Variants in TLE4 observed in about 807,000 individuals in gnomAD.
The protein encoded by TLE4 is TLE family member 4, transcriptional corepressor, also known as transducin-like enhancer protein 4.
A neutral mutation model predicts 92.8 loss-of-function variants in TLE4; 8 were observed. That is an observed-to-expected ratio of 0.09 (90% CI 0.05 to 0.16). The LOEUF (loss-of-function observed/expected upper bound fraction) is 0.16. TLE4 is among the 10% of genes least tolerant of loss of function. The pLI is 1.00. For missense variants in TLE4, 675 were observed against 997.6 expected (o/e 0.68, Z 4.36); for synonymous variants, 371 against 374.1 (o/e 0.99, Z 0.10).
At chr9:79,713,952 C>G (rs1042014946) in intron 14 of TLE4, among the ~76,000 whole-genome samples, 19 of 152,098 alleles carry the variant, frequency 1.2e-4, no homozygotes, top group African/African-American at 4.6e-4. Flanking sequence ...CAACCTCTGC[C>G]TCCTGGGTTC....
chr9:79,593,725 A>G (rs2043245051), intron 4 of TLE4, among the ~76,000 whole-genome samples: 1 of 152,238 alleles, frequency 6.6e-6, no homozygotes, highest in African/African-American at 2.4e-5. Context: ...TCCATCATAT[A>G]TGCTGTGTCT....
intron 8 of TLE4, among the ~76,000 whole-genome samples, chr9:79,702,356 G>A (rs1208730868): frequency 1.3e-5 from 2 of 152,162 alleles, no homozygotes; most frequent in South Asian, 4.1e-4. Context: ...ACTGGAGAGG[G>A]GAAAACTAGA....
At chr9:79,653,971 C>G (rs2059401325) in intron 7 of TLE4, 88 bp from the exon 8 acceptor site, 2 of 1,398,886 alleles carry the variant, frequency 1.4e-6, no homozygotes, top group Non-Finnish European at 2.0e-6. Flanking sequence ...TTTGATAAAT[C>G]AGTATGATTT....
rs764513396 is a variant in TLE4 at position 79,708,695 on chromosome 9, C to T, written c.1172C>T (p.Ala391Val). Residue 391 changes from alanine (A) to valine (V), a missense_variant, in exon 13 of 20, where the codon GCG becomes GTG. Ala to Val is a moderately conservative substitution (Grantham distance 64). Around this residue, in one of 5 missense-constraint regions of TLE4, gnomAD observed 119 missense variants for 175.9 expected, o/e 0.68. Transcript: ENST00000376552. ...AACGGAGAGCTGACCAGCCCCGGAG[C>T]GGCCTACGCTGGGCTCCACAACATC... Reference protein sequence around the residue: ...GMNGELTSPGAAYAGLHNISP... With the variant: ...GMNGELTSPGVAYAGLHNISP... The T allele has an allele frequency of 4.3e-6, 7 of 1,613,540 alleles. No homozygotes were observed. Among genetic ancestry groups the T allele is most frequent in the East Asian group, 4.5e-5 (2 of 44,886 alleles).
chr9:79,592,799 A>G (rs139185932), intron 4 of TLE4, among the ~76,000 whole-genome samples: 140 of 152,256 alleles, frequency 9.2e-4, no homozygotes, highest in African/African-American at 3.3e-3. Flanking sequence ...GACTTGGCCA[A>G]CAACTCTGGA....
intron 8 of TLE4, among the ~76,000 whole-genome samples, chr9:79,697,887 A>G (rs1588382699): frequency 6.6e-6 from 1 of 152,194 alleles, no homozygotes; most frequent in African/African-American, 2.4e-5. Flanking sequence ...ACTGAAAAAC[A>G]AGGTGTATAT....
chr9:79,640,679 G>C (rs2056952534), intron 6 of TLE4, among the ~76,000 whole-genome samples: 1 of 151,976 alleles, frequency 6.6e-6, no homozygotes, highest in Non-Finnish European at 1.5e-5. Context: ...AGCTCCTTCT[G>C]TTCTTTGCAA....
rs377649253 is a variant in TLE4, at chr9:79,708,718, A to G, written c.1195A>G (p.Ile399Val). 3 of 1,612,768 alleles carry G rather than the reference A, an allele frequency of 1.9e-6. No homozygotes were observed. Among genetic ancestry groups the G allele is most frequent in the Non-Finnish European group, 1.7e-6 (2 of 1,180,044 alleles). Residue 399 changes from isoleucine to valine, a missense_variant, in exon 13 of 20, where the codon ATC (isoleucine) becomes GTC (valine). Around this residue, in one of 5 missense-constraint regions of TLE4, gnomAD observed 119 missense variants for 175.9 expected, o/e 0.68. Coordinates refer to ENST00000376552, the MANE Select transcript of TLE4 (RefSeq NM_007005.6). ...PGAAYAGLHN[I>V]SPQMSAAAAA... Reference sequence around the variant, plus strand: ...AGCGGCCTACGCTGGGCTCCACAACATCTCCCCTCAGATGAGCGCAGCTGC... The same window carrying G: ...AGCGGCCTACGCTGGGCTCCACAACGTCTCCCCTCAGATGAGCGCAGCTGC...
chr9:79,596,055 C>T (rs952173090), intron 4 of TLE4, among the ~76,000 whole-genome samples: 1 of 151,972 alleles, frequency 6.6e-6, no homozygotes, highest in Admixed American at 6.6e-5. Flanking sequence ...ACCGTGTTAG[C>T]CAGGATGGTC....
chr9:79,640,331 T>G (rs1348706168), intron 6 of TLE4, among the ~76,000 whole-genome samples: 1 of 152,128 alleles, frequency 6.6e-6, no homozygotes, highest in Non-Finnish European at 1.5e-5. Flanking sequence ...TTACTTTTGT[T>G]AAAAATGCTA....
At chr9:79,655,048 A>G (rs990910029) in intron 8 of TLE4, among the ~76,000 whole-genome samples, 1 of 152,228 alleles carries the variant, frequency 6.6e-6, no homozygotes, top group Admixed American at 6.5e-5. Context: ...AGTCTGAGGC[A>G]GGAGAATCGC....
intron 4 of TLE4, among the ~76,000 whole-genome samples, chr9:79,584,585 A>G (rs532832457): frequency 6.6e-6 from 1 of 152,316 alleles, no homozygotes; most frequent in East Asian, 1.9e-4. Flanking sequence ...CCCTGTGCCT[A>G]TCGCATAGTA....
At chr9:79,648,136 A>C (rs1309248673) in intron 6 of TLE4, among the ~76,000 whole-genome samples, 2 of 152,142 alleles carry the variant, frequency 1.3e-5, no homozygotes, top group African/African-American at 4.8e-5. Context: ...GAATGCTAAG[A>C]AATTGGAACT....
intron 11 of TLE4, 123 bp from the exon 12 acceptor site, chr9:79,707,995 G>A: frequency 1.0e-6 from 1 of 985,762 alleles, no homozygotes. Context: ...AGAAAATCAA[G>A]GCCCAAGCTG....
At chr9:79,604,876 TTACTC>T (rs1397264853) in intron 4 of TLE4, among the ~76,000 whole-genome samples, 1 of 152,196 alleles carries the variant, frequency 6.6e-6, no homozygotes, top group Non-Finnish European at 1.5e-5. Flanking sequence ...TAATCTCCGT[TTACTC>T]TGGGAACAAG....
rs530601613 is a variant in TLE4 at position 79,717,096 on chromosome 9, T to A, written c.1341-1626T>A. On this transcript the variant is annotated intron_variant, in intron 14 of 19. Coordinates refer to ENST00000376552, the MANE Select transcript of TLE4 (RefSeq NM_007005.6). ...ATCTGGTCTGCTTTTCACTGCATAA[T>A]CTGCTCTGGGATTCTTCTTTCCGTC... 3.2e-4 allele frequency among the ~76,000 whole-genome samples: 48 copies of A among 152,342 alleles called. 1 individual carries two copies. The highest frequency in any genetic ancestry group is 1.1e-3 in the African/African-American group (45 of 41,580).
In TLE4 at chr9:79,705,961, T is replaced by C; in HGVS notation, c.783+19T>C. ...CAATGAGGTATGTTTGTGGCTACTT[T>C]AATTTTTTGCACTTGCCCAGCCATA... On this transcript the variant is annotated intron_variant, in intron 10 of 19. Transcript: ENST00000376552. 6.2e-7 allele frequency: 1 copy of C among 1,613,620 alleles called. No individual in the cohort carries two copies. Among genetic ancestry groups the C allele is most frequent in the Non-Finnish European group, 8.5e-7 (1 of 1,179,586 alleles).
In TLE4 at chr9:79,572,009, G is replaced by A. The variant is rs2035980225; in HGVS notation, c.-782G>A. ...GTGCTGAGCGGGTGTTTGGGTTGTT[G>A]GCTGCTTTCTTCCCCCTTTCTCACA... is the stretch of plus-strand genomic sequence containing the variant. On this transcript the variant is annotated 5_prime_UTR_variant, in exon 1 of 20. Transcript: ENST00000376552. The A allele has an allele frequency of 6.6e-6, 1 of 152,146 alleles. No individual in the cohort carries two copies. The highest frequency in any genetic ancestry group is 1.5e-5 in the Non-Finnish European group (1 of 68,064). 9.4% of individuals were successfully genotyped at this position (152,146 alleles called of 1,614,324 possible). A position where few individuals can be genotyped will look rare whatever the true frequency, so the allele number is the denominator to read the frequency against.
At chr9:79,692,621 T>C (rs1227927679) in intron 8 of TLE4, among the ~76,000 whole-genome samples, 1 of 152,184 alleles carries the variant, frequency 6.6e-6, no homozygotes, top group Non-Finnish European at 1.5e-5. Context: ...AGTAGAAATT[T>C]ATTTCTCACA....
Sources: gnomAD v4.1 joint callset for allele counts (sites outside exome capture counted in the v4.1 genomes callset) on GRCh38, gnomAD v4.1.1 for gene constraint, gnomAD v4.1.1 regional missense constraint, MANE v1.5 for transcripts, NCBI Gene and HGNC (gene_info 2026-07-23, HGNC 2026-07-21) for gene names.